Variants in MAPKAPK2 observed in about 807,000 individuals in gnomAD.
MAPKAPK2 encodes the protein MAPK activated protein kinase 2.
A neutral mutation model predicts 48.8 loss-of-function variants in MAPKAPK2; 9 were observed. That is an observed-to-expected ratio of 0.18 (90% CI 0.11 to 0.32). The LOEUF is 0.32. Among genes scored for constraint, MAPKAPK2 ranks in the 10% least tolerant of loss-of-function variants. The pLI, the probability that MAPKAPK2 is intolerant of heterozygous loss-of-function variation, is 1.00. For synonymous variants in MAPKAPK2, 202 were observed against 190.6 expected (o/e 1.06, Z -0.49); for missense variants, 331 against 498.3 (o/e 0.66, Z 3.20).
chr1:206,698,350 C>A (rs1472609737), intron 1 of MAPKAPK2, among the ~76,000 whole-genome samples: 2 of 152,220 alleles, frequency 1.3e-5, no homozygotes, highest in African/African-American at 2.4e-5. Context: ...ATCCTTCCAG[C>A]AGCTTAGACT....
At chr1:206,711,325 C>T (rs1445596538) in intron 1 of MAPKAPK2, among the ~76,000 whole-genome samples, 8 of 152,240 alleles carry the variant, frequency 5.3e-5, no homozygotes, top group Non-Finnish European at 1.2e-4. Context: ...TCTCAGCCCA[C>T]TGCAACCTCC....
At chr1:206,696,344 C>G in intron 1 of MAPKAPK2, 1 of 726,736 alleles carries the variant, frequency 1.4e-6, no homozygotes, top group East Asian at 2.5e-5. Flanking sequence ...CTGTAAATCC[C>G]CTGAAAACCT....
intron 1 of MAPKAPK2, among the ~76,000 whole-genome samples, chr1:206,688,736 C>T (rs1442219241): frequency 2.6e-5 from 4 of 152,100 alleles, no homozygotes; most frequent in African/African-American, 4.8e-5. Context: ...TTCCCAGGTC[C>T]ACGCCATTCT....
intron 1 of MAPKAPK2, among the ~76,000 whole-genome samples, chr1:206,701,830 CTAAA>C (rs1672804441): frequency 1.2e-5 from 1 of 80,212 alleles, no homozygotes; most frequent in Non-Finnish European, 2.5e-5. Context: ...GACCCTGTCT[CTAAA>C]AAAAAAAAAA....
chr1:206,728,669 AT>A lies in MAPKAPK2; in HGVS notation c.280-40del, dbSNP rs782011900. 1.9e-6 allele frequency: 3 copies of A among 1,599,194 alleles called. No individual in the cohort carries two copies. In the East Asian group the frequency reaches 6.7e-5, roughly 36 times the overall value. On this transcript the variant is annotated intron_variant, in intron 1 of 9. Coordinates refer to ENST00000367103, the MANE Select transcript of MAPKAPK2 (RefSeq NM_032960.4). ...TGGGCCAGGGGCTTAGAGCAGGCCC[AT>A]GTGACAGCGCAGTTACTCAGAAAGC...
intron 1 of MAPKAPK2, among the ~76,000 whole-genome samples, chr1:206,695,350 G>A (rs1241700059): frequency 6.6e-6 from 1 of 151,978 alleles, no homozygotes; most frequent in Non-Finnish European, 1.5e-5. Flanking sequence ...CCAGAGCCCA[G>A]CTCTGATCAT....
intron 1 of MAPKAPK2, among the ~76,000 whole-genome samples, chr1:206,697,586 C>G (rs1394659231): frequency 6.6e-6 from 1 of 152,126 alleles, no homozygotes; most frequent in Non-Finnish European, 1.5e-5. Flanking sequence ...TCTATGAACT[C>G]AGAGCGAGAA....
At chr1:206,703,757 T>C (rs1553428188) in intron 1 of MAPKAPK2, among the ~76,000 whole-genome samples, 1 of 152,156 alleles carries the variant, frequency 6.6e-6, no homozygotes, top group African/African-American at 2.4e-5. Flanking sequence ...CCCTTCTAGA[T>C]CACAACCAGA....
At position 206,734,084 on chromosome 1, in the gene MAPKAPK2, G is replaced by C. The variant is rs1391240917; in HGVS notation, c.*1366G>C. On this transcript the variant is annotated 3_prime_UTR_variant, in exon 10 of 10. Transcript: ENST00000367103. ...CACTCCCCCTTCCCTTGGAGGGAGA[G>C]GTGGCAGGAATACTTCACCTTTCCT... 1 of 152,706 alleles carries C rather than the reference G, an allele frequency of 6.5e-6. No homozygotes were observed. The allele number at this position is 152,706 out of a possible 1,614,324, so 9.5% of individuals were successfully genotyped here.
rs782486566 is a variant in MAPKAPK2 at position 206,732,749 on chromosome 1, A to G, written c.*31A>G. On this transcript the variant is annotated 3_prime_UTR_variant, in exon 10 of 10. Transcript: ENST00000367103. The surrounding 1 kb of genome is among the most constrained non-coding windows in gnomAD (Gnocchi z 4.4). The stretch of plus-strand genomic sequence containing the variant: ...CGCGCCCTCCTGCCCACGGGAGGAC[A>G]AGCAATAACTCTCTACAGGAATATA... 2 of 1,612,630 alleles carry G rather than the reference A, an allele frequency of 1.2e-6. No homozygotes were observed. The highest frequency in any genetic ancestry group is 1.7e-6 in the Non-Finnish European group (2 of 1,179,234).
chr1:206,695,315 G>A (rs769866642), intron 1 of MAPKAPK2, among the ~76,000 whole-genome samples: 1 of 152,116 alleles, frequency 6.6e-6, no homozygotes, highest in Admixed American at 6.5e-5. Flanking sequence ...ATGATTCTTC[G>A]GCGTGCAGTG....
At chr1:206,716,067 G>A (rs1553430316) in intron 1 of MAPKAPK2, among the ~76,000 whole-genome samples, 1 of 148,284 alleles carries the variant, frequency 6.7e-6, no homozygotes, top group African/African-American at 2.5e-5. Context: ...CCAATGTGGT[G>A]TTCTTGTTAT....
intron 1 of MAPKAPK2, among the ~76,000 whole-genome samples, chr1:206,690,310 C>T (rs1344299095): frequency 2.0e-5 from 3 of 152,236 alleles, no homozygotes; most frequent in African/African-American, 7.2e-5. Context: ...GGGCCCTTGG[C>T]ATCCACTGAG....
At chr1:206,711,999 G>T (rs574639823) in intron 1 of MAPKAPK2, among the ~76,000 whole-genome samples, 1 of 152,202 alleles carries the variant, frequency 6.6e-6, no homozygotes, top group Non-Finnish European at 1.5e-5. Flanking sequence ...GAATATTTTT[G>T]ATGGATACTA....
chr1:206,691,502 T>TATATATATATATATATATATACATATAC (rs1553426248), intron 1 of MAPKAPK2, among the ~76,000 whole-genome samples: 1 of 132,730 alleles, frequency 7.5e-6, no homozygotes, highest in African/African-American at 2.9e-5. Context: ...TATATATATA[T>TATATATATATATATATATATACATATAC]ATACACACAT....
intron 1 of MAPKAPK2, chr1:206,695,766 C>T: frequency 4.7e-6 from 1 of 212,682 alleles, no homozygotes; most frequent in African/African-American, 3.3e-5. Flanking sequence ...ATCTCTCTCT[C>T]TCTCTCTTTT....
chr1:206,718,996 C>T (rs1392744090), intron 1 of MAPKAPK2, among the ~76,000 whole-genome samples: 20 of 151,764 alleles, frequency 1.3e-4, no homozygotes, highest in Non-Finnish European at 1.5e-5. Context: ...TTTTTTTTGC[C>T]AGTCTGGTGA....
intron 1 of MAPKAPK2, among the ~76,000 whole-genome samples, chr1:206,717,691 A>ATCTGT: frequency 6.6e-6 from 1 of 152,178 alleles, no homozygotes; most frequent in Non-Finnish European, 1.5e-5. Context: ...TCCTGCCTCT[A>ATCTGT]GCAGGAAGGT....
At chr1:206,726,975 T>C in intron 1 of MAPKAPK2, among the ~76,000 whole-genome samples, 1 of 152,098 alleles carries the variant, frequency 6.6e-6, no homozygotes, top group East Asian at 1.9e-4. Context: ...CTCCACTCCA[T>C]CTCGGTCAGT....
Sources: allele counts gnomAD v4.1 joint callset (sites outside exome capture counted in the v4.1 genomes callset), GRCh38; gene constraint gnomAD v4.1.1; non-coding constraint Gnocchi (gnomAD v3.1); transcripts MANE v1.5; gene names NCBI Gene and HGNC (gene_info 2026-07-23, HGNC 2026-07-21).